SCPEP1: variants seen among roughly 807,000 people sequenced by gnomAD.
The protein encoded by SCPEP1 is serine carboxypeptidase 1.
SCPEP1 carries 51 observed loss-of-function variants against 63.8 expected under a neutral mutation model. The observed-to-expected ratio is 0.80, with a 90% CI of 0.64 to 1.01. The LOEUF (loss-of-function observed/expected upper bound fraction) is 1.01. Among genes scored for constraint, SCPEP1 ranks in the 50% least tolerant of loss-of-function variants. The probability of loss-of-function intolerance (pLI) is 0.00; values close to 1 mark genes in which losing one functional copy is unlikely to be tolerated. For missense variants in SCPEP1, 499 were observed against 554.9 expected (o/e 0.90, Z 1.01); for synonymous variants, 204 against 207.8 (o/e 0.98, Z 0.16).
chr17:56,983,782 G>T (rs1236968329), intron 2 of SCPEP1: 3 of 150,958 alleles, frequency 2.0e-5, no homozygotes, highest in African/African-American at 7.3e-5. Flanking sequence ...CCCTTTTGGG[G>T]CCCTCTTGCC....
intron 6 of SCPEP1, among the ~76,000 whole-genome samples, chr17:56,993,429 T>G (rs1005219187): frequency 6.6e-6 from 1 of 152,052 alleles, no homozygotes; most frequent in African/African-American, 2.4e-5. Context: ...AAATAAGTTT[T>G]TGTTGTTTGT....
intron 3 of SCPEP1, 36 bp downstream of exon 3, chr17:56,985,503 C>G (rs746062299): frequency 6.5e-7 from 1 of 1,542,044 alleles, no homozygotes; most frequent in Admixed American, 1.7e-5. Context: ...AACCTTGCCC[C>G]GTGGCCTCTC....
intron 1 of SCPEP1, among the ~76,000 whole-genome samples, chr17:56,980,307 G>A (rs1911031227): frequency 6.6e-6 from 1 of 152,068 alleles, no homozygotes; most frequent in Non-Finnish European, 1.5e-5. Flanking sequence ...TAGAGATGGG[G>A]TGTTGCTATG....
chr17:56,987,723 A>ACCC lies in SCPEP1; in HGVS notation c.344_345insCCC (p.Asp115_Asn116insPro). The ACCC allele has an allele frequency of 6.2e-7, 1 of 1,613,972 alleles. No individual in the cohort carries two copies. The highest frequency in any genetic ancestry group is 1.3e-5 in the African/African-American group (1 of 75,004). On this transcript the variant is annotated inframe_insertion, in exon 4 of 13. Transcript: ENST00000262288. ...CAGGCTGCCAGTCTCCTATTTGTGG[A>ACCC]TAATCCCGTGGGCACTGGGTTCAGT... is the stretch of plus-strand genomic sequence containing the variant.
chr17:56,985,297 C>A, intron 2 of SCPEP1, 81 bp from the exon 3 acceptor site: 1 of 1,061,950 alleles, frequency 9.4e-7, no homozygotes, highest in Non-Finnish European at 1.5e-6. Flanking sequence ...AACTCATAAA[C>A]CATCTATAGC....
intron 2 of SCPEP1, 71 bp from the exon 3 acceptor site, chr17:56,985,307 C>A: frequency 1.8e-6 from 2 of 1,142,594 alleles, no homozygotes; most frequent in Non-Finnish European, 2.7e-6. Context: ...CCATCTATAG[C>A]AAATGTGGTC....
In SCPEP1 at chr17:57,002,049, G is replaced by A. The variant is rs1411398213; in HGVS notation, c.1164G>A (p.Trp388Ter). ...GQEAWVRKLK[W>*]PELPKFSQLK... ...AGGCCTGGGTGCGGAAACTGAAGTG[G>A]CCAGAACTGCCTAAATTCAGTCAGC... The change falls in exon 12 of 13, where the codon TGG (tryptophan) becomes TGA (stop). Residue 388 changes from tryptophan to a stop codon, truncating the protein, a stop_gained. Coordinates refer to ENST00000262288, the MANE Select transcript of SCPEP1 (RefSeq NM_021626.3). LOFTEE classifies it high-confidence loss of function. 1 of 1,614,030 alleles carries A rather than the reference G, an allele frequency of 6.2e-7. No homozygotes were observed. Among genetic ancestry groups the A allele is most frequent in the African/African-American group, 1.3e-5 (1 of 74,912 alleles).
At chr17:56,987,534 C>T in intron 3 of SCPEP1, 161 bp from the exon 4 acceptor site, 1 of 605,810 alleles carries the variant, frequency 1.7e-6, no homozygotes, top group South Asian at 3.9e-5. Context: ...TTCTATGTTC[C>T]TGTCCCTTAT....
chr17:56,993,494 A>C (rs371551652), intron 6 of SCPEP1, among the ~76,000 whole-genome samples: 1 of 152,190 alleles, frequency 6.6e-6, no homozygotes, highest in East Asian at 1.9e-4. Flanking sequence ...CCCAGACTGG[A>C]GTGCAGTGGC....
intron 5 of SCPEP1, among the ~76,000 whole-genome samples, 167 bp from the exon 6 acceptor site, chr17:56,990,932 C>T (rs1911376306): frequency 6.6e-6 from 1 of 152,074 alleles, no homozygotes; most frequent in African/African-American, 2.4e-5. Flanking sequence ...CACCATGTCC[C>T]ACTGATTTTT....
chr17:57,002,219 C>A, intron 12 of SCPEP1, 38 bp downstream of exon 12: 1 of 1,601,754 alleles, frequency 6.2e-7, no homozygotes, highest in Non-Finnish European at 8.5e-7. Flanking sequence ...AAAAATCATC[C>A]TGAGAGGGAA....
Position 56,981,151 on chromosome 17 carries a change from C to CCTACATGTT in SCPEP1, c.149_157dup (p.Tyr50_Phe52dup). 1 of 1,614,102 alleles carries CCTACATGTT rather than the reference C, an allele frequency of 6.2e-7. No homozygotes were observed. Among genetic ancestry groups the CCTACATGTT allele is most frequent in the Non-Finnish European group, 8.5e-7 (1 of 1,179,970 alleles). The stretch of plus-strand genomic sequence containing the variant: ...GATTATGTGACGGTCCGCAAGGATG[C>CCTACATGTT]CTACATGTTCTGGTGGCTCTATTAT... On this transcript the variant is annotated inframe_insertion, in exon 2 of 13. Coordinates refer to ENST00000262288, the MANE Select transcript of SCPEP1 (RefSeq NM_021626.3).
intron 10 of SCPEP1, 82 bp from the exon 11 acceptor site, chr17:57,000,773 G>T: frequency 6.6e-7 from 1 of 1,520,662 alleles, no homozygotes; most frequent in Non-Finnish European, 9.1e-7. Flanking sequence ...CGGTGCTGGA[G>T]CCCAAGATGC....
chr17:56,985,727 T>C (rs1187662501), intron 3 of SCPEP1, among the ~76,000 whole-genome samples: 1 of 152,010 alleles, frequency 6.6e-6, no homozygotes, highest in Non-Finnish European at 1.5e-5. Context: ...AAAAACCTAC[T>C]ACAGCAGACA....
chr17:56,987,543 A>G, intron 3 of SCPEP1, 152 bp from the exon 4 acceptor site: 1 of 621,708 alleles, frequency 1.6e-6, no homozygotes, highest in Non-Finnish European at 2.4e-6. Context: ...CCTGTCCCTT[A>G]TTTTTAAAAA....
At chr17:56,992,359 G>C (rs1484355913) in intron 6 of SCPEP1, among the ~76,000 whole-genome samples, 2 of 151,986 alleles carry the variant, frequency 1.3e-5, no homozygotes, top group Non-Finnish European at 2.9e-5. Flanking sequence ...TCGTTTATCT[G>C]TCTTTCCTTC....
Position 56,994,999 on chromosome 17 carries a change from G to A in SCPEP1, c.638G>A (p.Gly213Glu), listed in dbSNP as rs1911504008. 1 of 1,613,402 alleles carries A rather than the reference G, an allele frequency of 6.2e-7. No homozygotes were observed. Among genetic ancestry groups the A allele is most frequent in the African/African-American group, 1.3e-5 (1 of 74,880 alleles). ...ISPVDSVLSWGPYLYSMSLLE... is the reference protein window; with the variant it reads ...ISPVDSVLSWEPYLYSMSLLE... ...CCTTTAGATTCGGTGCTCTCCTGGGGACCTTACCTGTACAGCATGGTAAGT... is the reference window on the plus strand; with the variant it reads ...CCTTTAGATTCGGTGCTCTCCTGGGAACCTTACCTGTACAGCATGGTAAGT... Residue 213 changes from glycine to glutamate, a missense_variant, in exon 7 of 13, where the codon GGA becomes GAA. Physicochemically the swap from Gly to Glu is moderately conservative, Grantham distance 98. Transcript: ENST00000262288.
intron 12 of SCPEP1, among the ~76,000 whole-genome samples, chr17:57,005,035 G>C (rs553071616): frequency 1.3e-4 from 20 of 152,316 alleles, no homozygotes; most frequent in African/African-American, 4.6e-4. Flanking sequence ...AGCAGCTTTC[G>C]GTCTCTACCT....
intron 3 of SCPEP1, chr17:56,987,401 G>A: frequency 3.6e-6 from 1 of 278,808 alleles, no homozygotes; most frequent in Admixed American, 5.1e-5. Context: ...CATTTGTATT[G>A]TATGAAAAGC....
Sources: gnomAD v4.1 joint callset for allele counts (sites outside exome capture counted in the v4.1 genomes callset) on GRCh38, gnomAD v4.1.1 for gene constraint, MANE v1.5 for transcripts, NCBI Gene and HGNC (gene_info 2026-07-23, HGNC 2026-07-21) for gene names.